Variants in PAQR3 observed in about 807,000 individuals in gnomAD.
PAQR3 encodes the protein Raf kinase trapping to Golgi.
Under a neutral mutation model 41.7 loss-of-function variants are expected in PAQR3, and 39 were observed. The observed-to-expected ratio is 0.93, with a 90% confidence interval of 0.72 to 1.22. The LOEUF is 1.22. Ranked by LOEUF, PAQR3 falls within the 50% of genes most tolerant of loss-of-function variation. The pLI, the probability that PAQR3 is intolerant of heterozygous loss-of-function variation, is 0.00. For synonymous variants in PAQR3, 140 were observed against 140.6 expected, an observed-to-expected ratio of 1.00 and a Z score of 0.03; for missense variants, 366 against 385.6, an observed-to-expected ratio of 0.95 and a Z score of 0.42.
At chr4:78,928,948 G>A (rs780965934) in intron 3 of PAQR3, among the ~76,000 whole-genome samples, 1 of 152,352 alleles carries the variant, frequency 6.6e-6, no homozygotes, top group Admixed American at 6.5e-5. Context: ...TAAATCCTTT[G>A]CATGTGCAGT....
chr4:78,908,917 C>T (rs571506397), downstream of PAQR3, among the ~76,000 whole-genome samples: 2 of 152,196 alleles, frequency 1.3e-5, no homozygotes, highest in East Asian at 3.9e-4. Flanking sequence ...CTGCCATCCA[C>T]CAAGAGTTTT....
At position 78,912,255 on chromosome 4, in the gene PAQR3, T is replaced by A; in HGVS notation, c.*8284A>T. On this transcript the variant is annotated 3_prime_UTR_variant, in exon 6 of 6. Coordinates refer to ENST00000512733, the MANE Select transcript of PAQR3 (RefSeq NM_001040202.2). The stretch of plus-strand genomic sequence containing the variant: ...AGGGAGCTAAATTGCAAGCTCTAAC[T>A]AAGGGTTTCTGCTACTGACATCACA... 2.1e-6 allele frequency: 1 copy of A among 478,150 alleles called. No homozygotes were observed. The highest frequency in any genetic ancestry group is 3.7e-6 in the Non-Finnish European group (1 of 272,066). The allele number at this position is 478,150 out of a possible 1,614,324, so 29.6% of individuals were successfully genotyped here. A position where few individuals can be genotyped will look rare whatever the true frequency, so the allele number is the denominator to read the frequency against.
chr4:78,887,258 G>GTT, exon 13 of PAQR3: 1 of 1,609,692 alleles, frequency 6.2e-7, no homozygotes, highest in Non-Finnish European at 8.5e-7. Flanking sequence ...GATCCTTTTG[G>GTT]TTCTGTTCCT....
intron 11 of PAQR3, among the ~76,000 whole-genome samples, chr4:78,896,233 G>C (rs2033060): frequency 6.6e-6 from 1 of 152,044 alleles, no homozygotes; most frequent in Non-Finnish European, 1.5e-5. Flanking sequence ...TGGTGAGCCA[G>C]TGATCAAACT....
In PAQR3 at chr4:78,917,901, T is replaced by C; in HGVS notation, c.*2638A>G. The C allele has an allele frequency of 2.0e-6, 2 of 984,344 alleles. No individual in the cohort carries two copies. Among genetic ancestry groups the C allele is most frequent in the Non-Finnish European group, 2.4e-6 (2 of 828,638 alleles). The allele number at this position is 984,344 out of a possible 1,614,324, so 61.0% of individuals were successfully genotyped here. On this transcript the variant is annotated 3_prime_UTR_variant, in exon 6 of 6. Coordinates refer to ENST00000512733, the MANE Select transcript of PAQR3 (RefSeq NM_001040202.2). The stretch of plus-strand genomic sequence containing the variant: ...TGATTCTAAAATATGATTTTAAAGC[T>C]GTTATGTATTACAAAGAATGACAAG...
chr4:78,887,211 A>T (rs756498198), exon 13 of PAQR3: 4 of 1,611,440 alleles, frequency 2.5e-6, no homozygotes, highest in Non-Finnish European at 3.4e-6. Flanking sequence ...ATAAGAATGT[A>T]GACTCACTTT....
intron 4 of PAQR3, among the ~76,000 whole-genome samples, chr4:78,926,091 C>T (rs1477421016): frequency 1.3e-5 from 2 of 152,106 alleles, no homozygotes; most frequent in Non-Finnish European, 2.9e-5. Flanking sequence ...GTACCCCACA[C>T]TCATCGGGTC....
In PAQR3 at chr4:78,918,976, C is replaced by T; in HGVS notation, c.*1563G>A. 1 of 984,976 alleles carries T rather than the reference C, an allele frequency of 1.0e-6. No homozygotes were observed. Among genetic ancestry groups the T allele is most frequent in the Non-Finnish European group, 1.2e-6 (1 of 829,694 alleles). 61.0% of individuals were successfully genotyped at this position (984,976 alleles called of 1,614,324 possible). On this transcript the variant is annotated 3_prime_UTR_variant, in exon 6 of 6. Transcript: ENST00000512733. The stretch of plus-strand genomic sequence containing the variant: ...AACAGCCATTTTCAAAGCAGCCTTC[C>T]ATCATAACGATGGGTAAGACACGGT...
intron 1 of PAQR3, 100 bp downstream of exon 1, chr4:78,938,940 G>A (rs981010637): frequency 1.7e-6 from 2 of 1,199,090 alleles, no homozygotes; most frequent in Admixed American, 4.6e-5. Flanking sequence ...GCGAGGAAAT[G>A]ATGGGCAAGC....
intron 5 of PAQR3, chr4:78,922,282 G>A: frequency 7.9e-7 from 1 of 1,264,962 alleles, no homozygotes; most frequent in Non-Finnish European, 1.0e-6. Context: ...AAAGCTCAGT[G>A]GTGAAAAACC....
At chr4:78,893,724 G>A (rs920157432) in intron 11 of PAQR3, among the ~76,000 whole-genome samples, 1 of 152,096 alleles carries the variant, frequency 6.6e-6, no homozygotes, top group African/African-American at 2.4e-5. Flanking sequence ...TACAACACCT[G>A]CGAAATTCTT....
intron 1 of PAQR3, among the ~76,000 whole-genome samples, chr4:78,935,807 T>C (rs1228818286): frequency 6.6e-6 from 1 of 152,178 alleles, no homozygotes; most frequent in East Asian, 1.9e-4. Context: ...CAAAATTAAA[T>C]GGATTTAAGA....
At chr4:78,937,977 T>C (rs373223479) in intron 1 of PAQR3, among the ~76,000 whole-genome samples, 5 of 152,212 alleles carry the variant, frequency 3.3e-5, no homozygotes, top group Admixed American at 6.5e-5. Flanking sequence ...ACGCTTCAAG[T>C]TGTGAATCCT....
chr4:78,939,310 G>C lies in PAQR3; in HGVS notation c.-86C>G. 2.3e-6 allele frequency: 3 copies of C among 1,281,350 alleles called. No individual in the cohort carries two copies. Among genetic ancestry groups the C allele is most frequent in the Non-Finnish European group, 3.1e-6 (3 of 970,154 alleles). 79.4% of individuals were successfully genotyped at this position (1,281,350 alleles called of 1,614,324 possible). On this transcript the variant is annotated 5_prime_UTR_variant, in exon 1 of 6. Transcript: ENST00000512733. Reference sequence around the variant, plus strand: ...AGGGGGCTTCGCCGCTGGCGCCCCCGCCCCGGAGCCCGCGGACGCTGCGCG... The same window carrying C: ...AGGGGGCTTCGCCGCTGGCGCCCCCCCCCCGGAGCCCGCGGACGCTGCGCG...
intron 11 of PAQR3, among the ~76,000 whole-genome samples, chr4:78,892,269 G>A (rs1247407060): frequency 6.6e-6 from 1 of 152,004 alleles, no homozygotes; most frequent in African/African-American, 2.4e-5. Flanking sequence ...AATAGTTATA[G>A]GGCCGTTTAG....
intron 12 of PAQR3, chr4:78,887,959 G>A (rs775861875): frequency 2.0e-5 from 3 of 152,168 alleles, no homozygotes; most frequent in African/African-American, 4.8e-5. Context: ...GGTAACTGTC[G>A]GCCATGTTCT....
Position 78,916,248 on chromosome 4 carries a change from CCT to C in PAQR3, c.*4289_*4290del, listed in dbSNP as rs1476156929. The C allele has an allele frequency of 6.6e-6, 1 of 151,706 alleles. No homozygotes were observed. The highest frequency in any genetic ancestry group is 1.5e-5 in the Non-Finnish European group (1 of 67,808). 9.4% of individuals were successfully genotyped at this position (151,706 alleles called of 1,614,324 possible). A position where few individuals can be genotyped will look rare whatever the true frequency, so the allele number is the denominator to read the frequency against. On this transcript the variant is annotated 3_prime_UTR_variant, in exon 6 of 6. Coordinates refer to ENST00000512733, the MANE Select transcript of PAQR3 (RefSeq NM_001040202.2). Reference sequence around the variant, plus strand: ...TTATTCTTTTTGACTGAATTCTGTCCCTGATTCACTGTTTTGTTTGAAATTTA... The same window carrying C: ...TTATTCTTTTTGACTGAATTCTGTCCGATTCACTGTTTTGTTTGAAATTTA...
Position 78,912,968 on chromosome 4 carries a change from G to GA in PAQR3, c.*7570dup, listed in dbSNP as rs1242815609. Reference sequence around the variant, plus strand: ...ATAAAGCAGATTATTGGAAAAATTGGAGGACAAGGGTTGTATAAAAATTTT... The same window carrying GA: ...ATAAAGCAGATTATTGGAAAAATTGGAAGGACAAGGGTTGTATAAAAATTTT... On this transcript the variant is annotated 3_prime_UTR_variant, in exon 6 of 6. Coordinates refer to ENST00000512733, the MANE Select transcript of PAQR3 (RefSeq NM_001040202.2). 1 of 152,132 alleles carries GA rather than the reference G, an allele frequency of 6.6e-6. No homozygotes were observed. The highest frequency in any genetic ancestry group is 1.5e-5 in the Non-Finnish European group (1 of 68,020). 9.4% of individuals were successfully genotyped at this position (152,132 alleles called of 1,614,324 possible).
chr4:78,911,318 G>C (rs1734584493), downstream of PAQR3: 1 of 1,613,876 alleles, frequency 6.2e-7, no homozygotes, highest in African/African-American at 1.3e-5. Flanking sequence ...ACTATCCCTG[G>C]TTATCCCAAA....
Sources: allele counts gnomAD v4.1 joint callset (sites outside exome capture counted in the v4.1 genomes callset), GRCh38; gene constraint gnomAD v4.1.1; transcripts MANE v1.5; gene names NCBI Gene and HGNC (gene_info 2026-07-23, HGNC 2026-07-21).